The following ATXN7L1 variants were observed in gnomAD, a reference collection of about 807,000 sequenced individuals.
ATXN7L1 encodes ataxin 7 like 1.
A neutral mutation model predicts 70.8 loss-of-function variants in ATXN7L1; 15 were observed. The observed-to-expected ratio is 0.21, with a 90% CI of 0.14 to 0.33. The LOEUF (loss-of-function observed/expected upper bound fraction) is 0.33, where lower values mean the gene tolerates loss of function less well. Among genes scored for constraint, ATXN7L1 ranks in the 10% least tolerant of loss-of-function variants. The probability of loss-of-function intolerance (pLI) is 1.00; values close to 1 mark genes in which losing one functional copy is unlikely to be tolerated. For synonymous variants in ATXN7L1, 440 were observed against 445.1 expected, an observed-to-expected ratio of 0.99 and a Z score of 0.14; for missense variants, 975 against 1,097.1, an observed-to-expected ratio of 0.89 and a Z score of 1.57.
chr7:105,765,896 G>A (rs1371555053), intron 3 of ATXN7L1, among the ~76,000 whole-genome samples: 1 of 152,092 alleles, frequency 6.6e-6, no homozygotes, highest in East Asian at 1.9e-4. Context: ...TACTATCAGA[G>A]TAGATGACTT....
Position 105,624,059 on chromosome 7 carries a change from A to G in ATXN7L1, c.1395+16T>C. 7.2e-7 allele frequency: 1 copy of G among 1,390,674 alleles called. No homozygotes were observed. Among genetic ancestry groups the G allele is most frequent in the Non-Finnish European group, 9.5e-7 (1 of 1,057,656 alleles). 86.1% of individuals were successfully genotyped at this position (1,390,674 alleles called of 1,614,324 possible). On this transcript the variant is annotated intron_variant, in intron 8 of 11. Coordinates refer to ENST00000419735, the MANE Select transcript of ATXN7L1 (RefSeq NM_020725.2). ...ACAGGCGAAGAACGCATGGCAAGGA[A>G]CGGAAGGAGGCCTACCGCCAGAGGT...
intron 3 of ATXN7L1, among the ~76,000 whole-genome samples, chr7:105,685,541 A>T (rs1806077964): frequency 6.6e-6 from 1 of 152,192 alleles, no homozygotes; most frequent in Non-Finnish European, 1.5e-5. Context: ...ATCTCAGACC[A>T]GAGCCAAAGC....
chr7:105,697,615 CT>C (rs1326225506), intron 3 of ATXN7L1, among the ~76,000 whole-genome samples: 1 of 152,144 alleles, frequency 6.6e-6, no homozygotes, highest in Admixed American at 6.5e-5. Context: ...GACATACATC[CT>C]TCTCGGCTGA....
At chr7:105,750,202 T>C (rs1189260693) in intron 3 of ATXN7L1, among the ~76,000 whole-genome samples, 1 of 151,882 alleles carries the variant, frequency 6.6e-6, no homozygotes, top group East Asian at 1.9e-4. Context: ...GGCCTGCTCA[T>C]TGTTAAGTTT....
At chr7:105,777,484 C>T (rs1464781710) in intron 3 of ATXN7L1, among the ~76,000 whole-genome samples, 3 of 152,220 alleles carry the variant, frequency 2.0e-5, no homozygotes, top group East Asian at 1.9e-4. Flanking sequence ...TCTTGGCTTC[C>T]GTGTAGTCAT....
intron 3 of ATXN7L1, among the ~76,000 whole-genome samples, chr7:105,743,845 C>A (rs376215460): frequency 6.6e-6 from 1 of 152,142 alleles, no homozygotes; most frequent in African/African-American, 2.4e-5. Flanking sequence ...TTTGCATCTG[C>A]GAAAATTATG....
At chr7:105,727,767 T>TATATATATATATATATATAAA (rs34755557) in intron 3 of ATXN7L1, among the ~76,000 whole-genome samples, 1 of 100,300 alleles carries the variant, frequency 1.0e-5, no homozygotes, top group African/African-American at 4.0e-5. Context: ...TATATATATA[T>TATATATATATATATATATAAA]ATATATATAT....
intron 2 of ATXN7L1, among the ~76,000 whole-genome samples, chr7:105,790,793 C>T (rs543446149): frequency 2.6e-5 from 4 of 151,956 alleles, no homozygotes; most frequent in Admixed American, 2.0e-4. Context: ...AGGGCTCTGG[C>T]AGGCACCTCC....
chr7:105,764,433 A>C (rs561251141), intron 3 of ATXN7L1, among the ~76,000 whole-genome samples: 2 of 152,316 alleles, frequency 1.3e-5, no homozygotes, highest in South Asian at 2.1e-4. Flanking sequence ...CTGGGGCCCC[A>C]ACCCAGATCT....
At chr7:105,861,915 C>T (rs767982214) in intron 2 of ATXN7L1, among the ~76,000 whole-genome samples, 1 of 152,140 alleles carries the variant, frequency 6.6e-6, no homozygotes, top group African/African-American at 2.4e-5. Context: ...GCTTGTGTAC[C>T]GGGTTTGTGT....
intron 2 of ATXN7L1, among the ~76,000 whole-genome samples, chr7:105,828,433 A>T (rs1239378224): frequency 6.6e-6 from 1 of 152,184 alleles, no homozygotes; most frequent in Non-Finnish European, 1.5e-5. Flanking sequence ...CCAGGCACAC[A>T]CAGCATCTTG....
At position 105,614,743 on chromosome 7, in the gene ATXN7L1, C is replaced by T. The variant is rs1015081086; in HGVS notation, c.1591G>A (p.Val531Ile). The change falls in exon 10 of 12, where the codon GTT becomes ATT. Residue 531 changes from valine (V) to isoleucine (I), a missense_variant. Physicochemically the swap from Val to Ile is conservative, Grantham distance 29. Coordinates refer to ENST00000419735, the MANE Select transcript of ATXN7L1 (RefSeq NM_020725.2). The surrounding 1 kb of genome is among the most constrained non-coding windows in gnomAD (Gnocchi z 4.3). ...AHITTPVPAS[V>I]LQPFSNPSAV... ...CTGGGGTTGCTGAAAGGCTGCAAAA[C>T]GGATGCTGGAACGGGGGTGGTGATG... 1.3e-5 allele frequency: 20 copies of T among 1,551,574 alleles called. No individual in the cohort carries two copies. The highest frequency in any genetic ancestry group is 3.9e-5 in the Admixed American group (2 of 50,968).
At chr7:105,872,257 G>A (rs560382601) in intron 2 of ATXN7L1, among the ~76,000 whole-genome samples, 1 of 152,306 alleles carries the variant, frequency 6.6e-6, no homozygotes, top group Admixed American at 6.5e-5. Context: ...CTCCCAAAGT[G>A]TTGGGATTAC....
chr7:105,645,656 A>G (rs1165030050), intron 4 of ATXN7L1, among the ~76,000 whole-genome samples: 1 of 151,428 alleles, frequency 6.6e-6, no homozygotes, highest in Non-Finnish European at 1.5e-5. Context: ...AAAAAAAAAA[A>G]AGAAAAATTA....
chr7:105,864,550 G>C (rs988944097), intron 2 of ATXN7L1, among the ~76,000 whole-genome samples: 6 of 151,680 alleles, frequency 4.0e-5, no homozygotes, highest in Non-Finnish European at 7.4e-5. Context: ...TGGGGCCGGG[G>C]GCACGAAGTA....
At chr7:105,764,051 A>G (rs961935617) in intron 3 of ATXN7L1, among the ~76,000 whole-genome samples, 8 of 151,910 alleles carry the variant, frequency 5.3e-5, no homozygotes, top group Admixed American at 5.2e-4. Context: ...ATGGGGTTTC[A>G]CCATGTTGGC....
chr7:105,730,863 C>T (rs1445830588), intron 3 of ATXN7L1, among the ~76,000 whole-genome samples: 4 of 152,242 alleles, frequency 2.6e-5, no homozygotes, highest in East Asian at 1.9e-4. Flanking sequence ...CTACGGACTT[C>T]GGTTAATAAT....
chr7:105,875,730 C>G (rs560048615), intron 2 of ATXN7L1, 82 bp downstream of exon 2: 1 of 1,371,162 alleles, frequency 7.3e-7, no homozygotes, highest in South Asian at 1.2e-5. Context: ...CTGTACCCAG[C>G]AGAACAATTC....
intron 3 of ATXN7L1, among the ~76,000 whole-genome samples, chr7:105,741,410 A>G (rs551679498): frequency 3.0e-4 from 45 of 152,096 alleles, no homozygotes; most frequent in Admixed American, 3.9e-4. Flanking sequence ...CTCCCTAAAC[A>G]TTATACAAGC....
Sources: allele counts gnomAD v4.1 joint callset (sites outside exome capture counted in the v4.1 genomes callset), GRCh38; gene constraint gnomAD v4.1.1; non-coding constraint Gnocchi (gnomAD v3.1); transcripts MANE v1.5; gene names NCBI Gene and HGNC (gene_info 2026-07-23, HGNC 2026-07-21).